Variants in WDR72 observed in about 807,000 individuals in gnomAD.
WDR72 encodes WD repeat domain 72.
Under a neutral mutation model 124.2 loss-of-function variants are expected in WDR72, and 120 were observed. The ratio of observed to expected loss-of-function variants is 0.97; its 90% confidence interval spans 0.83 to 1.12. The LOEUF (loss-of-function observed/expected upper bound fraction) is 1.12. Ranked by LOEUF, WDR72 falls within the 50% of genes most tolerant of loss-of-function variation. WDR72 has a pLI of 0.00. For synonymous variants in WDR72, 452 were observed against 441.7 expected (o/e 1.02, Z -0.29); for missense variants, 1,387 against 1,278.8 (o/e 1.08, Z -1.29).
chr15:53,552,057 G>A (rs1490542568), intron 18 of WDR72, among the ~76,000 whole-genome samples: 2 of 152,016 alleles, frequency 1.3e-5, no homozygotes, highest in Non-Finnish European at 2.9e-5. Flanking sequence ...TCGTTGTTTG[G>A]AATGCCTTGC....
At chr15:53,534,800 T>G (rs1892666820) in intron 18 of WDR72, among the ~76,000 whole-genome samples, 1 of 152,134 alleles carries the variant, frequency 6.6e-6, no homozygotes, top group South Asian at 2.1e-4. Flanking sequence ...TTAATTTTGT[T>G]GAATATTTAA....
At chr15:53,694,932 G>C (rs2016956963) in intron 13 of WDR72, among the ~76,000 whole-genome samples, 1 of 152,158 alleles carries the variant, frequency 6.6e-6, no homozygotes, top group Non-Finnish European at 1.5e-5. Flanking sequence ...GTTGTTGTAA[G>C]TAAAGTTTTA....
At chr15:53,726,342 C>T (rs2169347) in intron 2 of WDR72, among the ~76,000 whole-genome samples, 57,286 of 90,476 alleles carry the variant, frequency 0.63, 17,633 homozygotes, top group African/African-American at 0.7. Flanking sequence ...TGTGTGTACA[C>T]GTGTGTTGGG....
In WDR72 at chr15:53,733,012, G is replaced by A; in HGVS notation, c.138C>T (p.Leu46=). Residue 46 remains leucine (L), a synonymous_variant, in exon 2 of 20, where the codon CTC becomes CTT. Transcript: ENST00000360509. ...SQEGQLCLWN[L]SHELKISAKE... ...TTTCACTAACCTTTAGTTCATGTGA[G>A]AGATTCCAGAGACAGAGCTGACCCT... The A allele has an allele frequency of 6.2e-7, 1 of 1,614,032 alleles. No individual in the cohort carries two copies. Among genetic ancestry groups the A allele is most frequent in the Non-Finnish European group, 8.5e-7 (1 of 1,179,956 alleles).
chr15:53,668,477 ATTCAAATTCACCCTTCAC>A (rs1178720030), intron 13 of WDR72, among the ~76,000 whole-genome samples: 10 of 152,228 alleles, frequency 6.6e-5, no homozygotes, highest in African/African-American at 2.4e-4. Flanking sequence ...TACCTCTTAG[ATTCAAATTCACCCTTCAC>A]TGCTTGCTTT....
chr15:53,534,618 C>T (rs1595737796), intron 18 of WDR72, among the ~76,000 whole-genome samples: 2 of 152,032 alleles, frequency 1.3e-5, no homozygotes, highest in African/African-American at 4.8e-5. Context: ...TTGATCTTTG[C>T]TATGATTCAT....
At chr15:53,760,314 C>A (rs1249679768), upstream of WDR72, among the ~76,000 whole-genome samples, 1 of 151,154 alleles carries the variant, frequency 6.6e-6, no homozygotes, top group African/African-American at 2.4e-5. Context: ...CACCTCCACC[C>A]GACTCCCCCA....
chr15:53,726,537 T>C (rs1182860196), intron 2 of WDR72, among the ~76,000 whole-genome samples: 1 of 152,102 alleles, frequency 6.6e-6, no homozygotes, highest in Non-Finnish European at 1.5e-5. Context: ...TTTAACTAAA[T>C]GATTTTTTAA....
intron 18 of WDR72, among the ~76,000 whole-genome samples, chr15:53,585,193 C>T (rs1375785826): frequency 6.6e-6 from 1 of 151,988 alleles, no homozygotes; most frequent in African/African-American, 2.4e-5. Context: ...GTTTAATTGA[C>T]TCATAGTTCT....
chr15:53,555,867 C>T (rs1421077791), intron 18 of WDR72, among the ~76,000 whole-genome samples: 1 of 151,918 alleles, frequency 6.6e-6, no homozygotes, highest in Admixed American at 6.6e-5. Context: ...GAAGAAAGGG[C>T]TATTAATTTT....
At chr15:53,594,639 A>C (rs1032934297) in intron 18 of WDR72, among the ~76,000 whole-genome samples, 1 of 148,768 alleles carries the variant, frequency 6.7e-6, no homozygotes, top group Admixed American at 6.6e-5. Flanking sequence ...AAAAAAAAAA[A>C]AAACTAGCTT....
chr15:53,744,107 GCT>G (rs1317938000), intron 1 of WDR72, among the ~76,000 whole-genome samples: 1 of 152,026 alleles, frequency 6.6e-6, no homozygotes, highest in Non-Finnish European at 1.5e-5. Flanking sequence ...AGTTCCCTGT[GCT>G]CCTTTCTATA....
chr15:53,537,239 G>A (rs1892811220), intron 18 of WDR72, among the ~76,000 whole-genome samples: 2 of 152,140 alleles, frequency 1.3e-5, no homozygotes. Context: ...GGTAATACAA[G>A]GATTCTGCTT....
At chr15:53,599,862 T>C (rs890151117) in intron 17 of WDR72, among the ~76,000 whole-genome samples, 1 of 152,186 alleles carries the variant, frequency 6.6e-6, no homozygotes, top group African/African-American at 2.4e-5. Context: ...TCACTTTAAC[T>C]GTTGATTTTT....
intron 16 of WDR72, among the ~76,000 whole-genome samples, chr15:53,613,112 T>C (rs1566984011): frequency 6.6e-6 from 1 of 152,108 alleles, no homozygotes. Flanking sequence ...TTTATTGAGA[T>C]GTCCCAAACT....
chr15:53,640,420 G>A (rs2014803161), intron 14 of WDR72, among the ~76,000 whole-genome samples: 2 of 152,088 alleles, frequency 1.3e-5, no homozygotes, highest in South Asian at 4.1e-4. Context: ...AAATCTTACT[G>A]ATGTAGAATT....
intron 16 of WDR72, among the ~76,000 whole-genome samples, chr15:53,612,705 T>C (rs1458191497): frequency 2.6e-5 from 4 of 152,180 alleles, no homozygotes; most frequent in African/African-American, 4.8e-5. Context: ...GTAAGGACAA[T>C]GGCTTTTATT....
chr15:53,679,355 C>T (rs575148178), intron 13 of WDR72, among the ~76,000 whole-genome samples: 105 of 152,158 alleles, frequency 6.9e-4, no homozygotes, highest in African/African-American at 2.4e-3. Context: ...TATATTTTAC[C>T]ACAATCATCA....
intron 14 of WDR72, among the ~76,000 whole-genome samples, chr15:53,617,434 A>AT (rs1441730893): frequency 6.6e-6 from 1 of 151,574 alleles, no homozygotes. Flanking sequence ...GTTTTCTGAA[A>AT]TTTTTTTACA....
Sources: allele counts gnomAD v4.1 joint callset (sites outside exome capture counted in the v4.1 genomes callset), GRCh38; gene constraint gnomAD v4.1.1; transcripts MANE v1.5; gene names NCBI Gene and HGNC (gene_info 2026-07-23, HGNC 2026-07-21).